HEATR5A: variants seen among roughly 807,000 people sequenced by gnomAD.
The protein encoded by HEATR5A is HEAT repeat-containing protein 5A.
Under a neutral mutation model 218.8 loss-of-function variants are expected in HEATR5A, and 178 were observed. The observed-to-expected ratio is 0.81, with a 90% confidence interval of 0.72 to 0.92. The LOEUF (loss-of-function observed/expected upper bound fraction) is 0.92. Ranked by LOEUF, HEATR5A falls within the 40% of genes least tolerant of loss-of-function variation. The probability of loss-of-function intolerance (pLI) is 0.00; values close to 1 mark genes in which losing one functional copy is unlikely to be tolerated. For synonymous variants in HEATR5A, 864 were observed against 871.6 expected (o/e 0.99, Z 0.15); for missense variants, 2,420 against 2,418.9 (o/e 1.00, Z -0.01).
intron 6 of HEATR5A, among the ~76,000 whole-genome samples, chr14:31,392,358 C>T (rs2030487009): frequency 6.6e-6 from 1 of 152,184 alleles, no homozygotes; most frequent in South Asian, 2.1e-4. Flanking sequence ...GACATGCTCT[C>T]TTGGCTTTCT....
At chr14:31,333,956 T>C (rs575278430) in intron 22 of HEATR5A, among the ~76,000 whole-genome samples, 1 of 144,896 alleles carries the variant, frequency 6.9e-6, no homozygotes, top group African/African-American at 2.6e-5. Flanking sequence ...AAAGATCACA[T>C]GAGCCTGGAA....
chr14:31,414,533 T>C (rs545872557), intron 1 of HEATR5A, among the ~76,000 whole-genome samples: 1 of 152,328 alleles, frequency 6.6e-6, no homozygotes, highest in Admixed American at 6.5e-5. Flanking sequence ...ATAGGGCTAC[T>C]TAATACAGGT....
chr14:31,312,913 A>T, intron 28 of HEATR5A, 55 bp downstream of exon 28: 1 of 1,404,192 alleles, frequency 7.1e-7, no homozygotes. Flanking sequence ...AAAAAAAAGA[A>T]AAGAAAATGT....
At chr14:31,306,948 G>T in intron 30 of HEATR5A, 69 bp from the exon 31 acceptor site, 1 of 1,255,246 alleles carries the variant, frequency 8.0e-7, no homozygotes, top group Non-Finnish European at 1.1e-6. Context: ...AAATACCAAT[G>T]CTAAATGCCA....
intron 25 of HEATR5A, chr14:31,320,262 A>G (rs1374376354): frequency 7.1e-6 from 5 of 706,260 alleles, no homozygotes; most frequent in Admixed American, 1.8e-5. Flanking sequence ...ATCATCAAAC[A>G]GAAGAGCCCC....
chr14:31,328,142 C>T (rs938819759), intron 22 of HEATR5A, among the ~76,000 whole-genome samples: 5 of 151,462 alleles, frequency 3.3e-5, no homozygotes, highest in African/African-American at 7.3e-5. Context: ...CTTGTAGAGA[C>T]GAGGTTTCAC....
chr14:31,393,713 T>G (rs1036449997), intron 6 of HEATR5A, among the ~76,000 whole-genome samples: 7 of 152,090 alleles, frequency 4.6e-5, no homozygotes, highest in Non-Finnish European at 1.0e-4. Context: ...GATTGTGCAG[T>G]GGCGCAATCT....
At chr14:31,346,785 C>T (rs1158626059) in intron 19 of HEATR5A, among the ~76,000 whole-genome samples, 4 of 151,950 alleles carry the variant, frequency 2.6e-5, no homozygotes, top group African/African-American at 2.4e-5. Context: ...AAAAATGTGA[C>T]GAATTAGGAG....
At chr14:31,352,253 T>C (rs1901258681) in intron 16 of HEATR5A, among the ~76,000 whole-genome samples, 1 of 152,220 alleles carries the variant, frequency 6.6e-6, no homozygotes, top group Non-Finnish European at 1.5e-5. Context: ...TAAATTATCT[T>C]GATGGCAGGA....
intron 1 of HEATR5A, among the ~76,000 whole-genome samples, chr14:31,407,639 T>A (rs1342056927): frequency 2.4e-5 from 2 of 82,228 alleles, no homozygotes; most frequent in African/African-American, 4.6e-5. Context: ...TATATATATG[T>A]ATTTTGGAGA....
rs534891858 is a variant in HEATR5A, at chr14:31,372,875, GCTCTCTCTCTCCCTCTCT to G, written c.1862-984_1862-967del. Among the ~76,000 whole-genome samples the G allele has an allele frequency of 1.9e-3, 281 of 150,278 alleles. 1 individual carries two copies. Among genetic ancestry groups the G allele is most frequent in the African/African-American group, 6.4e-3 (263 of 40,808 alleles). Reference sequence around the variant, plus strand: ...ACTGATCAATTCTTTTCTCTCTTTCGCTCTCTCTCTCCCTCTCTCTCTCTCTCCCTCCCTCCCTCCCTC... The same window carrying G: ...ACTGATCAATTCTTTTCTCTCTTTCGCTCTCTCTCCCTCCCTCCCTCCCTC... On this transcript the variant is annotated intron_variant, in intron 12 of 35. Coordinates refer to ENST00000543095, the MANE Select transcript of HEATR5A (RefSeq NM_015473.4).
At position 31,399,409 on chromosome 14, in the gene HEATR5A, A is replaced by C. The variant is rs538510487; in HGVS notation, c.339-628T>G. Reference sequence around the variant, plus strand: ...ACTCAGCTACATATTAGATAACAAAAAGATAAGCTTAAAGATAAAAATAAA... The same window carrying C: ...ACTCAGCTACATATTAGATAACAAACAGATAAGCTTAAAGATAAAAATAAA... On this transcript the variant is annotated intron_variant, in intron 3 of 35. Coordinates refer to ENST00000543095, the MANE Select transcript of HEATR5A (RefSeq NM_015473.4). Among the ~76,000 whole-genome samples, 11 of 152,372 alleles carry C rather than the reference A, an allele frequency of 7.2e-5. No individual in the cohort carries two copies. The South Asian group carries it at 1.2e-3, about 17-fold the overall frequency.
chr14:31,417,131 A>G (rs1015779410), intron 1 of HEATR5A, among the ~76,000 whole-genome samples: 14 of 152,330 alleles, frequency 9.2e-5, no homozygotes, highest in African/African-American at 3.4e-4. Context: ...GCTGCTTATG[A>G]TAAACCCTAT....
intron 11 of HEATR5A, among the ~76,000 whole-genome samples, chr14:31,375,196 T>A (rs10134212): frequency 0.083 from 12,651 of 152,184 alleles, 597 homozygotes; most frequent in East Asian, 0.16. Context: ...TGGGCTCTAG[T>A]ATCAGCTCCT....
Position 31,343,088 on chromosome 14 carries a change from CTTTTT to C in HEATR5A, c.3228+803_3228+807del, listed in dbSNP as rs200758726. Among the ~76,000 whole-genome samples the C allele has an allele frequency of 7.9e-5, 11 of 139,820 alleles. No homozygotes were observed. The Admixed American group carries it at 7.9e-4, about 10-fold the overall frequency. 91.7% of individuals were successfully genotyped at this position (139,820 alleles called of 152,430 possible). A position where few individuals can be genotyped will look rare whatever the true frequency, so the allele number is the denominator to read the frequency against. On this transcript the variant is annotated intron_variant, in intron 21 of 35. Coordinates refer to ENST00000543095, the MANE Select transcript of HEATR5A (RefSeq NM_015473.4). The stretch of plus-strand genomic sequence containing the variant: ...GATAGAAACTGGTGACATGGTAAAT[CTTTTT>C]TTTTTTTTTTTTCCTGAGACGGAGT...
intron 7 of HEATR5A, 28 bp from the exon 8 acceptor site, chr14:31,387,403 A>G (rs759895260): frequency 5.3e-5 from 82 of 1,534,278 alleles, no homozygotes; most frequent in Non-Finnish European, 7.0e-5. Flanking sequence ...TTTATTTTCA[A>G]TATTAAATTG....
chr14:31,407,068 T>C (rs1239994830), intron 1 of HEATR5A, among the ~76,000 whole-genome samples: 1 of 148,334 alleles, frequency 6.7e-6, no homozygotes, highest in Non-Finnish European at 1.5e-5. Flanking sequence ...AGCAGGAGGG[T>C]TGCTTGAGCC....
At chr14:31,405,352 C>G (rs539903671) in intron 1 of HEATR5A, among the ~76,000 whole-genome samples, 111 of 152,064 alleles carry the variant, frequency 7.3e-4, no homozygotes, top group South Asian at 4.8e-3. Flanking sequence ...GAGTATCGCT[C>G]GAGCCCTGAA....
chr14:31,393,764 T>C (rs2030544019), intron 6 of HEATR5A, among the ~76,000 whole-genome samples: 1 of 152,212 alleles, frequency 6.6e-6, no homozygotes, highest in Non-Finnish European at 1.5e-5. Flanking sequence ...CAAGTGATTC[T>C]TGTAATCCCA....
Sources: gnomAD v4.1 joint callset for allele counts (sites outside exome capture counted in the v4.1 genomes callset) on GRCh38, gnomAD v4.1.1 for gene constraint, MANE v1.5 for transcripts, NCBI Gene and HGNC (gene_info 2026-07-23, HGNC 2026-07-21) for gene names.